FGF12: variants seen among roughly 807,000 people sequenced by gnomAD.
FGF12 encodes fibroblast growth factor 12B.
A neutral mutation model predicts 23.6 loss-of-function variants in FGF12; 14 were observed. The observed-to-expected ratio is 0.59, with a 90% CI of 0.39 to 0.93. The LOEUF (loss-of-function observed/expected upper bound fraction) is 0.93, where lower values mean the gene tolerates loss of function less well. Ranked by LOEUF, FGF12 falls within the 40% of genes least tolerant of loss-of-function variation. FGF12 has a pLI of 0.00. For synonymous variants in FGF12, 62 were observed against 77.3 expected (o/e 0.80, Z 1.04); for missense variants, 175 against 217.8 (o/e 0.80, Z 1.24).
intron 2 of FGF12, among the ~76,000 whole-genome samples, chr3:192,425,712 C>T (rs1721670532): frequency 6.6e-6 from 1 of 152,064 alleles, no homozygotes; most frequent in Non-Finnish European, 1.5e-5. Flanking sequence ...GAATTTGTGC[C>T]TCATCCTAAA....
chr3:192,361,268 T>C (rs1266138945), intron 2 of FGF12, among the ~76,000 whole-genome samples: 1 of 151,882 alleles, frequency 6.6e-6, no homozygotes, highest in Admixed American at 6.6e-5. Flanking sequence ...ACACAAATAC[T>C]TTCAAACTAA....
At chr3:192,200,444 CCTT>C (rs1560189778) in intron 4 of FGF12, among the ~76,000 whole-genome samples, 3 of 152,194 alleles carry the variant, frequency 2.0e-5, no homozygotes, top group Non-Finnish European at 4.4e-5. Context: ...TACTGTTTCT[CCTT>C]CTCCAGTTTA....
chr3:192,650,757 T>C (rs62293056), intron 2 of FGF12, among the ~76,000 whole-genome samples: 9,053 of 152,178 alleles, frequency 0.059, 329 homozygotes, highest in Middle Eastern at 0.13. Context: ...TCTTCAAGAG[T>C]AATATTTTTT....
At chr3:192,343,514 T>C (rs73193544) in intron 3 of FGF12, among the ~76,000 whole-genome samples, 540 of 152,308 alleles carry the variant, frequency 3.5e-3, no homozygotes, top group Non-Finnish European at 5.0e-3. Flanking sequence ...TCCTCAGTTA[T>C]GAAATTAATA....
chr3:192,551,688 A>G (rs1034019241), intron 2 of FGF12, among the ~76,000 whole-genome samples: 7 of 152,232 alleles, frequency 4.6e-5, no homozygotes, highest in Non-Finnish European at 1.0e-4. Context: ...AATCCATTCT[A>G]ACAAAATCAA....
At chr3:192,561,394 G>A (rs555681678) in intron 2 of FGF12, among the ~76,000 whole-genome samples, 4 of 151,302 alleles carry the variant, frequency 2.6e-5, no homozygotes, top group African/African-American at 4.9e-5. Context: ...ACAGAGTCTC[G>A]CTCTTTCACC....
chr3:192,594,535 C>A (rs1330787594), intron 2 of FGF12, among the ~76,000 whole-genome samples: 1 of 151,830 alleles, frequency 6.6e-6, no homozygotes, highest in African/African-American at 2.4e-5. Context: ...ATATGTCCCC[C>A]AAGTTTCATG....
intron 2 of FGF12, among the ~76,000 whole-genome samples, chr3:192,433,872 G>A (rs1721935573): frequency 6.6e-6 from 1 of 152,148 alleles, no homozygotes; most frequent in South Asian, 2.1e-4. Flanking sequence ...TTTGTGCCAT[G>A]CCCCACACTG....
chr3:192,267,596 C>T (rs1641535838), intron 4 of FGF12, among the ~76,000 whole-genome samples: 1 of 152,076 alleles, frequency 6.6e-6, no homozygotes, highest in Admixed American at 6.6e-5. Context: ...ACCTAAATTA[C>T]CATTCAGTCC....
chr3:192,335,650 T>C (rs760154664), intron 3 of FGF12, among the ~76,000 whole-genome samples, 186 bp from the exon 4 acceptor site: 1 of 152,164 alleles, frequency 6.6e-6, no homozygotes, highest in Non-Finnish European at 1.5e-5. Flanking sequence ...ATTAATTACC[T>C]ATGTAACTTC....
rs1003405736 is a variant in FGF12 at position 192,547,011 on chromosome 3, A to C, written c.13+180170T>G. On this transcript the variant is annotated intron_variant, in intron 2 of 5. Transcript: ENST00000445105. Reference sequence around the variant, plus strand: ...GGCTGCAGTGAGCTGAGATTGCACCACTGCACTCCAGCCTGGGCAACAGAG... The same window carrying C: ...GGCTGCAGTGAGCTGAGATTGCACCCCTGCACTCCAGCCTGGGCAACAGAG... Among the ~76,000 whole-genome samples the C allele has an allele frequency of 2.0e-5, 3 of 152,166 alleles. No homozygotes were observed. In the South Asian group the frequency reaches 6.2e-4, roughly 31 times the overall value.
chr3:192,533,064 A>T (rs1361751661), intron 2 of FGF12, among the ~76,000 whole-genome samples: 2 of 152,206 alleles, frequency 1.3e-5, no homozygotes, highest in African/African-American at 4.8e-5. Context: ...AATTGCATGG[A>T]GAAAAAATTT....
chr3:192,165,739 G>A (rs1002444487), intron 5 of FGF12, among the ~76,000 whole-genome samples: 2 of 152,068 alleles, frequency 1.3e-5, no homozygotes, highest in Non-Finnish European at 2.9e-5. Context: ...ATAGTATAAG[G>A]TTTCTGCTTT....
chr3:192,408,707 C>CA lies in FGF12; in HGVS notation c.14-48170dup. On this transcript the variant is annotated intron_variant, in intron 2 of 5. Coordinates refer to ENST00000445105, the MANE Select transcript of FGF12 (RefSeq NM_004113.6). This position sits in a 1 kb window ranked among gnomAD's most constrained non-coding sequence, Gnocchi z 7.3. The stretch of plus-strand genomic sequence containing the variant: ...ATACATAGAAAACCCGTTTACAAAG[C>CA]AGAGTCTGGACCCAGGCGGGTAGCG... The CA allele has an allele frequency of 1.0e-6, 1 of 988,210 alleles. No individual in the cohort carries two copies. The highest frequency in any genetic ancestry group is 1.7e-5 in the African/African-American group (1 of 57,442). 61.2% of individuals were successfully genotyped at this position (988,210 alleles called of 1,614,324 possible). A position where few individuals can be genotyped will look rare whatever the true frequency, so the allele number is the denominator to read the frequency against.
intron 4 of FGF12, among the ~76,000 whole-genome samples, chr3:192,331,332 A>C (rs940788503): frequency 2.1e-4 from 30 of 143,760 alleles, no homozygotes; most frequent in Non-Finnish European, 4.3e-4. Context: ...AAAAAAAAAA[A>C]CAAAAACAAA....
chr3:192,595,971 T>C (rs1451998285), intron 2 of FGF12, among the ~76,000 whole-genome samples: 1 of 151,754 alleles, frequency 6.6e-6, no homozygotes, highest in Non-Finnish European at 1.5e-5. Flanking sequence ...TGCACGCCTG[T>C]AGTCCCAGCT....
chr3:192,168,302 A>G (rs1156994063), intron 5 of FGF12, among the ~76,000 whole-genome samples: 1 of 152,148 alleles, frequency 6.6e-6, no homozygotes, highest in Non-Finnish European at 1.5e-5. Flanking sequence ...GAGAATCCAT[A>G]TATTTCCCTG....
intron 4 of FGF12, among the ~76,000 whole-genome samples, chr3:192,258,741 A>C (rs889625689): frequency 6.6e-6 from 1 of 152,304 alleles, no homozygotes; most frequent in South Asian, 2.1e-4. Flanking sequence ...GATGACTAGA[A>C]GTTCCTCAAG....
In FGF12 at chr3:192,181,629, G is replaced by GTT. The variant is rs72218051; in HGVS notation, c.229-10975_229-10974dup. Among the ~76,000 whole-genome samples, 26 of 127,404 alleles carry GTT rather than the reference G, an allele frequency of 2.0e-4. 1 individual carries two copies. The highest frequency in any genetic ancestry group is 4.2e-4 in the African/African-American group (15 of 35,638). 83.6% of individuals were successfully genotyped at this position (127,404 alleles called of 152,430 possible). ...ATGTTAAAATTAAGAGAAGTAATTTGTTTTTTTTTTTTTTTTTTGACACAG... is the reference window on the plus strand; with the variant it reads ...ATGTTAAAATTAAGAGAAGTAATTTGTTTTTTTTTTTTTTTTTTTTGACACAG... On this transcript the variant is annotated intron_variant, in intron 4 of 5. Transcript: ENST00000445105.
Sources: allele counts gnomAD v4.1 joint callset (sites outside exome capture counted in the v4.1 genomes callset), GRCh38; gene constraint gnomAD v4.1.1; non-coding constraint Gnocchi (gnomAD v3.1); transcripts MANE v1.5; gene names NCBI Gene and HGNC (gene_info 2026-07-23, HGNC 2026-07-21).